KANK1: variants seen among roughly 807,000 people sequenced by gnomAD.
KANK1 encodes KN motif and ankyrin repeat domains 1.
A neutral mutation model predicts 106.2 loss-of-function variants in KANK1; 109 were observed. The ratio of observed to expected loss-of-function variants is 1.03; its 90% CI spans 0.88 to 1.20. KANK1 has a LOEUF of 1.20. Among genes scored for constraint, KANK1 ranks in the 50% most tolerant of loss-of-function variants. The pLI is 0.00. For synonymous variants in KANK1, 873 were observed against 652.2 expected (o/e 1.34, Z -5.16); for missense variants, 2,399 against 1,710.7 (o/e 1.40, Z -7.10).
At chr9:589,032 CTG>C (rs147265081) in intron 1 of KANK1, among the ~76,000 whole-genome samples, 4,404 of 152,334 alleles carry the variant, frequency 0.029, 221 homozygotes, top group African/African-American at 0.1. Context: ...AGTGTTAACA[CTG>C]TGACCAACCT....
chr9:592,404 C>G (rs766413766), intron 1 of KANK1, among the ~76,000 whole-genome samples: 3 of 151,782 alleles, frequency 2.0e-5, no homozygotes, highest in Non-Finnish European at 4.4e-5. Context: ...GTCATTACAT[C>G]CATACTGAAT....
chr9:490,450 A>T (rs555956276), intron 3 of KANK1, among the ~76,000 whole-genome samples: 5 of 152,256 alleles, frequency 3.3e-5, no homozygotes, highest in Non-Finnish European at 7.3e-5. Flanking sequence ...TTGAAGCTGC[A>T]GTGAGCCATG....
At chr9:549,013 A>G (rs2134026869) in intron 1 of KANK1, 1 of 152,350 alleles carries the variant, frequency 6.6e-6, no homozygotes, top group South Asian at 2.1e-4. Flanking sequence ...GCATGAAATT[A>G]TAGATATGGT....
chr9:617,140 A>G (rs531048307), intron 1 of KANK1, among the ~76,000 whole-genome samples: 3 of 152,242 alleles, frequency 2.0e-5, no homozygotes, highest in South Asian at 4.1e-4. Flanking sequence ...GCAAGGAATC[A>G]TTATGTCTAA....
chr9:482,654 T>G (rs2058225848), intron 3 of KANK1, among the ~76,000 whole-genome samples: 1 of 152,234 alleles, frequency 6.6e-6, no homozygotes, highest in Admixed American at 6.5e-5. Context: ...CTGCATGTGA[T>G]TGTACCATTC....
intron 1 of KANK1, among the ~76,000 whole-genome samples, chr9:512,639 A>G (rs2059085759): frequency 6.6e-6 from 1 of 152,174 alleles, no homozygotes; most frequent in Non-Finnish European, 1.5e-5. Context: ...TCAGAAGTTA[A>G]TAACTTCCCT....
At chr9:636,784 A>C (rs559347661) in intron 1 of KANK1, among the ~76,000 whole-genome samples, 2 of 152,170 alleles carry the variant, frequency 1.3e-5, no homozygotes, top group Non-Finnish European at 2.9e-5. Flanking sequence ...GGAGAATCGC[A>C]TGAACCCGGG....
At chr9:680,391 C>G (rs755434859) in intron 2 of KANK1, among the ~76,000 whole-genome samples, 6 of 152,112 alleles carry the variant, frequency 3.9e-5, no homozygotes, top group Non-Finnish European at 7.3e-5. Context: ...CTTGGAGTCC[C>G]TCACGGAGGC....
intron 3 of KANK1, among the ~76,000 whole-genome samples, chr9:491,064 A>G (rs1425888571): frequency 6.8e-6 from 1 of 146,352 alleles, no homozygotes; most frequent in African/African-American, 2.6e-5. Flanking sequence ...GGTTCAAGGG[A>G]TCCTCCTGCC....
chr9:736,805 C>T (rs1202627850), intron 7 of KANK1, among the ~76,000 whole-genome samples: 1 of 152,096 alleles, frequency 6.6e-6, no homozygotes, highest in Non-Finnish European at 1.5e-5. Context: ...CTAGTAAAAC[C>T]ATAAAATCTC....
intron 8 of KANK1, among the ~76,000 whole-genome samples, chr9:738,804 G>A (rs1266471615): frequency 6.6e-6 from 1 of 152,186 alleles, no homozygotes. Context: ...CATGTCTCAC[G>A]TTCCCTCCTG....
intron 1 of KANK1, among the ~76,000 whole-genome samples, chr9:544,835 A>G (rs1012320516): frequency 6.6e-6 from 1 of 152,084 alleles, no homozygotes; most frequent in Non-Finnish European, 1.5e-5. Flanking sequence ...AGGGTAGGTC[A>G]TAAAGGGCCT....
chr9:527,402 A>G (rs2059840130), intron 1 of KANK1, among the ~76,000 whole-genome samples: 1 of 123,424 alleles, frequency 8.1e-6, no homozygotes, highest in African/African-American at 4.0e-5. Context: ...CCCAGTTTGA[A>G]GTGATTCTCC....
intron 10 of KANK1, among the ~76,000 whole-genome samples, chr9:743,275 G>A (rs185689006): frequency 1.1e-4 from 16 of 152,300 alleles, no homozygotes; most frequent in South Asian, 2.1e-4. Context: ...CAAGCCAGTA[G>A]GGAGAAAAAC....
At position 740,787 on chromosome 9, in the gene KANK1, T is replaced by C. The variant is rs76738278; in HGVS notation, c.3554-5T>C. Reference sequence around the variant, plus strand: ...TAAGAGACTTTTTTTTTTTTTTTTTTACAGATGTGTGTAATGTGGATCACC... The same window carrying C: ...TAAGAGACTTTTTTTTTTTTTTTTTCACAGATGTGTGTAATGTGGATCACC... On this transcript the variant is annotated splice_polypyrimidine_tract_variant and splice_region_variant and intron_variant, in intron 8 of 11. Coordinates refer to ENST00000382297, the MANE Select transcript of KANK1 (RefSeq NM_015158.5). 1.9e-6 allele frequency: 3 copies of C among 1,587,974 alleles called. No individual in the cohort carries two copies. Among genetic ancestry groups the C allele is most frequent in the East Asian group, 2.2e-5 (1 of 44,742 alleles).
chr9:492,943 G>C (rs577768663), intron 3 of KANK1, among the ~76,000 whole-genome samples: 4 of 150,478 alleles, frequency 2.7e-5, no homozygotes, highest in Non-Finnish European at 5.9e-5. Context: ...AGAATCACTT[G>C]AACTCAGGAG....
chr9:475,102 T>C (rs998292151), intron 3 of KANK1, among the ~76,000 whole-genome samples: 2 of 152,050 alleles, frequency 1.3e-5, no homozygotes, highest in Non-Finnish European at 2.9e-5. Flanking sequence ...AACCTGAAAG[T>C]GACAATCAGC....
At chr9:698,010 A>T (rs1821735076) in intron 2 of KANK1, among the ~76,000 whole-genome samples, 1 of 152,184 alleles carries the variant, frequency 6.6e-6, no homozygotes, top group South Asian at 2.1e-4. Context: ...CCTGAAATTC[A>T]GCTTGTCAGA....
intron 1 of KANK1, among the ~76,000 whole-genome samples, chr9:620,858 A>T (rs967707804): frequency 1.3e-5 from 2 of 152,206 alleles, no homozygotes; most frequent in Non-Finnish European, 2.9e-5. Context: ...CATCTCTTTT[A>T]AAAATGACTA....
Sources: gnomAD v4.1 joint callset for allele counts (sites outside exome capture counted in the v4.1 genomes callset) on GRCh38, gnomAD v4.1.1 for gene constraint, MANE v1.5 for transcripts, NCBI Gene and HGNC (gene_info 2026-07-23, HGNC 2026-07-21) for gene names.